The following NCKAP5 variants were observed in gnomAD, a reference collection of about 807,000 sequenced individuals.
NCKAP5 encodes NCK associated protein 5.
Under a neutral mutation model 167.0 loss-of-function variants are expected in NCKAP5, and 92 were observed. The observed-to-expected ratio is 0.55, with a 90% CI of 0.47 to 0.66. The LOEUF is 0.66. Ranked by LOEUF, NCKAP5 falls within the 30% of genes least tolerant of loss-of-function variation. The probability of loss-of-function intolerance (pLI) is 0.00; values close to 1 mark genes in which losing one functional copy is unlikely to be tolerated. For missense variants in NCKAP5, 2,378 were observed against 2,315.0 expected, an observed-to-expected ratio of 1.03 and a Z score of -0.56; for synonymous variants, 891 against 877.4, an observed-to-expected ratio of 1.02 and a Z score of -0.27.
At chr2:133,576,087 A>G in the NCKAP5 span, among the ~76,000 whole-genome samples, 3 of 152,226 alleles carry the variant, frequency 2.0e-5, no homozygotes, top group Non-Finnish European at 4.4e-5. Flanking sequence ...AAGGTAAGGC[A>G]AAATAGGTAG....
intron 19 of NCKAP5, among the ~76,000 whole-genome samples, chr2:132,702,954 G>T (rs1315352448): frequency 6.6e-6 from 1 of 152,174 alleles, no homozygotes; most frequent in Non-Finnish European, 1.5e-5. Context: ...TGATGCAGAA[G>T]GATCTCTTGA....
chr2:133,621,603 C>T, the NCKAP5 span, among the ~76,000 whole-genome samples: 1 of 151,722 alleles, frequency 6.6e-6, no homozygotes, highest in Non-Finnish European at 1.5e-5. Context: ...CAGACCAAGA[C>T]CAAGACCAAT....
At chr2:132,968,658 T>C (rs2076738283) in intron 7 of NCKAP5, among the ~76,000 whole-genome samples, 1 of 152,156 alleles carries the variant, frequency 6.6e-6, no homozygotes, top group Non-Finnish European at 1.5e-5. Context: ...CTACATTTTG[T>C]AATAAGAAGG....
At chr2:133,375,792 G>A (rs1019389252) in intron 3 of NCKAP5, among the ~76,000 whole-genome samples, 1 of 152,174 alleles carries the variant, frequency 6.6e-6, no homozygotes, top group Admixed American at 6.5e-5. Flanking sequence ...TTTAATGGCT[G>A]CATAGTATTC....
chr2:133,028,317 A>AT (rs751558411), intron 6 of NCKAP5, among the ~76,000 whole-genome samples: 1 of 152,212 alleles, frequency 6.6e-6, no homozygotes, highest in Non-Finnish European at 1.5e-5. Flanking sequence ...AATGAAGCAT[A>AT]TTCTTTTAAG....
chr2:133,655,328 G>T, the NCKAP5 span, among the ~76,000 whole-genome samples: 3 of 152,158 alleles, frequency 2.0e-5, no homozygotes, highest in Non-Finnish European at 2.9e-5. Flanking sequence ...CCCATATTGA[G>T]AATTTGTTTC....
chr2:133,412,837 T>C (rs1688857162), intron 3 of NCKAP5, among the ~76,000 whole-genome samples: 1 of 152,254 alleles, frequency 6.6e-6, no homozygotes, highest in Admixed American at 6.5e-5. Context: ...ATCCTCAAAC[T>C]ATGACTCACT....
chr2:133,189,564 C>A (rs1327053807), intron 5 of NCKAP5, among the ~76,000 whole-genome samples: 2 of 152,138 alleles, frequency 1.3e-5, no homozygotes, highest in African/African-American at 4.8e-5. Context: ...AATCCATCAG[C>A]ACATCAAAAA....
rs539906114 is a variant in NCKAP5 at position 133,115,152 on chromosome 2, T to C, written c.341+14826A>G. Reference sequence around the variant, plus strand: ...GTTTTCCTGGGGTTGTTTTGTATTATTATAAGTGAAAGGATTTAAACAAAA... The same window carrying C: ...GTTTTCCTGGGGTTGTTTTGTATTACTATAAGTGAAAGGATTTAAACAAAA... On this transcript the variant is annotated intron_variant, in intron 6 of 19. Coordinates refer to ENST00000409261, the MANE Select transcript of NCKAP5 (RefSeq NM_207363.3). Among the ~76,000 whole-genome samples the C allele has an allele frequency of 1.1e-4, 17 of 152,280 alleles. No homozygotes were observed. In the South Asian group the frequency reaches 3.5e-3, roughly 32 times the overall value.
chr2:133,661,978 CA>C, the NCKAP5 span, among the ~76,000 whole-genome samples: 214 of 148,522 alleles, frequency 1.4e-3, 1 homozygote, highest in Admixed American at 1.7e-3. Context: ...CTTATATTGT[CA>C]AAAAAAAAAT....
rs78194008 is a variant in NCKAP5, at chr2:132,860,064, A to G, written c.807+428T>C. 2.1e-4 allele frequency among the ~76,000 whole-genome samples: 32 copies of G among 152,342 alleles called. No homozygotes were observed. The East Asian group carries it at 6.2e-3, about 29-fold the overall frequency. Reference sequence around the variant, plus strand: ...AGGAACTCTGCATAGAGAGAGATATAAAAGAAAAACAAACCCCACATGTAT... The same window carrying G: ...AGGAACTCTGCATAGAGAGAGATATGAAAGAAAAACAAACCCCACATGTAT... On this transcript the variant is annotated intron_variant, in intron 11 of 19. Coordinates refer to ENST00000409261, the MANE Select transcript of NCKAP5 (RefSeq NM_207363.3).
chr2:133,484,596 C>G (rs947613016), intron 3 of NCKAP5, among the ~76,000 whole-genome samples: 1 of 152,280 alleles, frequency 6.6e-6, no homozygotes, highest in East Asian at 1.9e-4. Flanking sequence ...TTTTTGAGCA[C>G]CAACATGATG....
At chr2:133,377,703 A>G (rs2150936057) in intron 3 of NCKAP5, among the ~76,000 whole-genome samples, 1 of 152,320 alleles carries the variant, frequency 6.6e-6, no homozygotes, top group African/African-American at 2.4e-5. Context: ...ACCGTGTGCA[A>G]AGCAGTGTGA....
chr2:133,514,355 C>T (rs535644405), intron 3 of NCKAP5, among the ~76,000 whole-genome samples: 1 of 152,254 alleles, frequency 6.6e-6, no homozygotes, highest in East Asian at 1.9e-4. Context: ...TATATGTGTG[C>T]ACACACATAC....
intron 6 of NCKAP5, among the ~76,000 whole-genome samples, chr2:133,018,847 T>A (rs2078433145): frequency 6.6e-6 from 1 of 152,156 alleles, no homozygotes; most frequent in South Asian, 2.1e-4. Context: ...ACGGTCAGCA[T>A]GATATAAAGT....
At chr2:133,521,937 C>T (rs1283054087) in intron 2 of NCKAP5, among the ~76,000 whole-genome samples, 1 of 152,150 alleles carries the variant, frequency 6.6e-6, no homozygotes, top group African/African-American at 2.4e-5. Flanking sequence ...ATGGTGGCTA[C>T]CTCCAGACTC....
At chr2:133,621,834 A>T in the NCKAP5 span, among the ~76,000 whole-genome samples, 8 of 152,274 alleles carry the variant, frequency 5.3e-5, no homozygotes, top group East Asian at 9.6e-4. Flanking sequence ...ATAACAAAAA[A>T]AGAAAACTAC....
At chr2:133,434,428 A>G (rs1329480848) in intron 3 of NCKAP5, among the ~76,000 whole-genome samples, 1 of 152,216 alleles carries the variant, frequency 6.6e-6, no homozygotes, top group Non-Finnish European at 1.5e-5. Context: ...CAGTAAAGTC[A>G]AGAACATAGG....
rs558135134 is a variant in NCKAP5, at chr2:133,202,751, A to G, written c.207+10965T>C. ...AAAGGAGATCAACAAACACTTCTCAAAAGAAGACATTTATGCAGCCAACAG... is the reference window on the plus strand; with the variant it reads ...AAAGGAGATCAACAAACACTTCTCAGAAGAAGACATTTATGCAGCCAACAG... On this transcript the variant is annotated intron_variant, in intron 5 of 19. Transcript: ENST00000409261. 2.0e-5 allele frequency among the ~76,000 whole-genome samples: 3 copies of G among 152,364 alleles called. No individual in the cohort carries two copies. In the South Asian group the frequency reaches 6.2e-4, roughly 32 times the overall value.
Sources: gnomAD v4.1 joint callset for allele counts (sites outside exome capture counted in the v4.1 genomes callset) on GRCh38, gnomAD v4.1.1 for gene constraint, MANE v1.5 for transcripts, NCBI Gene and HGNC (gene_info 2026-07-23, HGNC 2026-07-21) for gene names.